Variants in RELCH observed in about 807,000 individuals in gnomAD.
RELCH encodes RAB11 binding and LisH domain, coiled-coil and HEAT repeat containing.
RELCH carries 41 observed loss-of-function variants against 150.3 expected under a neutral mutation model. That is an observed-to-expected ratio of 0.27 (90% CI 0.21 to 0.35). The LOEUF (loss-of-function observed/expected upper bound fraction) is 0.35, where lower values mean the gene tolerates loss of function less well. RELCH is among the 10% of genes least tolerant of loss of function. RELCH has a pLI of 1.00. For synonymous variants in RELCH, 478 were observed against 531.8 expected, an observed-to-expected ratio of 0.90 and a Z score of 1.39; for missense variants, 1,092 against 1,467.8, an observed-to-expected ratio of 0.74 and a Z score of 4.18.
intron 20 of RELCH, among the ~76,000 whole-genome samples, chr18:62,272,191 T>C (rs1205829387): frequency 6.6e-6 from 1 of 152,166 alleles, no homozygotes; most frequent in Non-Finnish European, 1.5e-5. Context: ...TTGTCTCTAT[T>C]GTTCATAAAT....
intron 15 of RELCH, among the ~76,000 whole-genome samples, chr18:62,259,874 A>C (rs1027286310): frequency 2.0e-5 from 3 of 151,864 alleles, no homozygotes; most frequent in Non-Finnish European, 4.4e-5. Context: ...CCAAGAACAT[A>C]TATTGAGGAA....
At chr18:62,294,929 A>G (rs1231776147) in intron 27 of RELCH, among the ~76,000 whole-genome samples, 2 of 152,148 alleles carry the variant, frequency 1.3e-5, no homozygotes, top group Non-Finnish European at 2.9e-5. Flanking sequence ...GTTCCAGTGT[A>G]TGTACGTGCC....
intron 1 of RELCH, 73 bp downstream of exon 1, chr18:62,188,104 G>A: frequency 1.4e-6 from 2 of 1,421,662 alleles, no homozygotes; most frequent in Admixed American, 2.8e-5. Context: ...GGGAGAGGGG[G>A]TATTTCTGCG....
Position 62,305,238 on chromosome 18 carries a change from T to TA in RELCH, c.3531-174dup, listed in dbSNP as rs1018638300. Reference sequence around the variant, plus strand: ...CACATACTGCTTCCTTTACTATAGATAATGAACATGAAAGCTCCTAACCTA... The same window carrying TA: ...CACATACTGCTTCCTTTACTATAGATAAATGAACATGAAAGCTCCTAACCTA... On this transcript the variant is annotated intron_variant, in intron 28 of 28. Transcript: ENST00000644646. The surrounding 1 kb of genome is among the most constrained non-coding windows in gnomAD (Gnocchi z 4.0). Among the ~76,000 whole-genome samples, 35 of 152,204 alleles carry TA rather than the reference T, an allele frequency of 2.3e-4. No individual in the cohort carries two copies. Among genetic ancestry groups the TA allele is most frequent in the Admixed American group, 1.9e-3 (29 of 15,274 alleles).
intron 27 of RELCH, among the ~76,000 whole-genome samples, chr18:62,297,986 A>G (rs944028141): frequency 6.6e-6 from 1 of 152,140 alleles, no homozygotes; most frequent in African/African-American, 2.4e-5. Context: ...TAAAACCCTT[A>G]TCACTTTCTA....
At chr18:62,248,450 T>C (rs1010244615) in intron 11 of RELCH, among the ~76,000 whole-genome samples, 1 of 152,176 alleles carries the variant, frequency 6.6e-6, no homozygotes, top group Admixed American at 6.6e-5. Flanking sequence ...CCCAAATTTT[T>C]GTAATAAGCA....
chr18:62,221,524 G>A, intron 5 of RELCH, 27 bp downstream of exon 5: 1 of 1,025,730 alleles, frequency 9.7e-7, no homozygotes, highest in Non-Finnish European at 1.4e-6. Flanking sequence ...TTTTTACAGT[G>A]ATTTTTTTCT....
chr18:62,291,858 A>C (rs1446469384), intron 27 of RELCH, among the ~76,000 whole-genome samples: 1 of 152,184 alleles, frequency 6.6e-6, no homozygotes, highest in Non-Finnish European at 1.5e-5. Flanking sequence ...CCTTCACTTA[A>C]TATAATGAGA....
At chr18:62,273,461 G>C (rs1287519941) in intron 20 of RELCH, among the ~76,000 whole-genome samples, 1 of 151,994 alleles carries the variant, frequency 6.6e-6, no homozygotes, top group Non-Finnish European at 1.5e-5. Context: ...CTACAACGGG[G>C]TAACTATTCT....
chr18:62,300,821 T>A (rs1339733137), intron 28 of RELCH: 1 of 152,170 alleles, frequency 6.6e-6, no homozygotes, highest in Admixed American at 6.5e-5. Flanking sequence ...TTACTATGGA[T>A]CTGTGTCAGA....
chr18:62,238,795 T>C (rs2041998849), intron 10 of RELCH, among the ~76,000 whole-genome samples: 1 of 152,092 alleles, frequency 6.6e-6, no homozygotes, highest in South Asian at 2.1e-4. Flanking sequence ...TTGAAATGGA[T>C]GGACTTTATG....
chr18:62,219,482 G>T (rs1599880336), intron 2 of RELCH, among the ~76,000 whole-genome samples: 1 of 145,582 alleles, frequency 6.9e-6, no homozygotes. Context: ...AAAATCAATT[G>T]CCTAGAGTTT....
chr18:62,287,885 T>C (rs1053400873), intron 26 of RELCH, among the ~76,000 whole-genome samples: 1 of 152,124 alleles, frequency 6.6e-6, no homozygotes, highest in Non-Finnish European at 1.5e-5. Context: ...TATGAGTATC[T>C]CTTAGAGAGA....
At chr18:62,262,057 A>G (rs1366017074) in intron 16 of RELCH, among the ~76,000 whole-genome samples, 2 of 152,000 alleles carry the variant, frequency 1.3e-5, no homozygotes, top group African/African-American at 4.8e-5. Flanking sequence ...CAACTTTTTA[A>G]TTTTATTTTT....
chr18:62,284,022 A>G (rs1484126520), intron 25 of RELCH, among the ~76,000 whole-genome samples: 2 of 152,134 alleles, frequency 1.3e-5, no homozygotes, highest in Non-Finnish European at 1.5e-5. Context: ...TGACCTTTCT[A>G]TGTATATTCA....
At chr18:62,235,158 C>T (rs1308972356) in intron 10 of RELCH, 1 of 151,910 alleles carries the variant, frequency 6.6e-6, no homozygotes, top group African/African-American at 2.4e-5. Flanking sequence ...TGGAGTAAAA[C>T]AGCGTCTAAC....
intron 1 of RELCH, among the ~76,000 whole-genome samples, chr18:62,189,251 CTTT>C (rs201494206): frequency 0.017 from 1,728 of 99,556 alleles, 24 homozygotes; most frequent in East Asian, 0.082. Flanking sequence ...GGTGGTGGGT[CTTT>C]TTTTGTTTTT....
intron 11 of RELCH, among the ~76,000 whole-genome samples, chr18:62,251,465 C>G (rs2042699368): frequency 6.6e-6 from 1 of 152,190 alleles, no homozygotes; most frequent in African/African-American, 2.4e-5. Context: ...CTTGGTTTAT[C>G]TAAGCATGCC....
intron 24 of RELCH, 49 bp downstream of exon 24, chr18:62,280,758 A>T: frequency 8.2e-7 from 1 of 1,212,622 alleles, no homozygotes; most frequent in Non-Finnish European, 1.2e-6. Flanking sequence ...TGATGTGGTC[A>T]TGATACATGT....
Sources: allele counts gnomAD v4.1 joint callset (sites outside exome capture counted in the v4.1 genomes callset), GRCh38; gene constraint gnomAD v4.1.1; non-coding constraint Gnocchi (gnomAD v3.1); transcripts MANE v1.5; gene names NCBI Gene and HGNC (gene_info 2026-07-23, HGNC 2026-07-21).